HS6ST2: variants seen among roughly 807,000 people sequenced by gnomAD.
The protein encoded by HS6ST2 is heparan-sulfate 6-O-sulfotransferase 2.
In HS6ST2, 17 loss-of-function variants were observed where a neutral mutation model predicts 33.0. The observed-to-expected ratio is 0.52, with a 90% CI of 0.35 to 0.77. The LOEUF is 0.77. Ranked by LOEUF, HS6ST2 falls within the 30% of genes least tolerant of loss-of-function variation. HS6ST2 has a pLI of 0.01. For missense variants in HS6ST2, 519 were observed against 551.7 expected (o/e 0.94, Z 0.59); for synonymous variants, 248 against 237.1 (o/e 1.05, Z -0.42).
intron 4 of HS6ST2, among the ~76,000 whole-genome samples, chrX:132,657,554 AG>A (rs2063739936): frequency 9.1e-6 from 1 of 109,689 alleles, no homozygotes; most frequent in Non-Finnish European, 1.9e-5. Flanking sequence ...TTCCCCCCAA[AG>A]TTACTGAAAA....
intron 2 of HS6ST2, among the ~76,000 whole-genome samples, chrX:132,877,655 A>T (rs1400164739): frequency 3.6e-5 from 4 of 111,264 alleles, no homozygotes; most frequent in Admixed American, 9.6e-5. Context: ...TCCTAGAGCA[A>T]ACATGCAGGT....
At chrX:132,924,445 A>G (rs1463757731) in intron 2 of HS6ST2, among the ~76,000 whole-genome samples, 1 of 111,986 alleles carries the variant, frequency 8.9e-6, no homozygotes, top group East Asian at 2.8e-4. Context: ...AAAAGCATAC[A>G]TACCAATAAT....
chrX:132,900,455 C>T (rs1472049759), intron 2 of HS6ST2, among the ~76,000 whole-genome samples: 2 of 111,052 alleles, frequency 1.8e-5, no homozygotes, highest in African/African-American at 6.5e-5. Flanking sequence ...GTGGCTCATG[C>T]CTATAATCCT....
At chrX:132,757,697 C>T (rs2064769814) in intron 2 of HS6ST2, among the ~76,000 whole-genome samples, 1 of 111,670 alleles carries the variant, frequency 9.0e-6, no homozygotes, top group African/African-American at 3.3e-5. Context: ...ATGATTTAGG[C>T]AGTGCTTTAG....
chrX:132,704,818 G>A (rs890253660), intron 3 of HS6ST2, among the ~76,000 whole-genome samples: 6 of 111,906 alleles, frequency 5.4e-5, no homozygotes, highest in Admixed American at 2.8e-4. Flanking sequence ...TGTTACTTCT[G>A]CTCAGACTAA....
chrX:132,767,505 C>T (rs2064860406), intron 2 of HS6ST2, among the ~76,000 whole-genome samples: 1 of 112,147 alleles, frequency 8.9e-6, no homozygotes, highest in South Asian at 3.7e-4. Context: ...CGAGGATCAT[C>T]AGATACTAAG....
At chrX:132,946,413 A>G (rs1299606248) in intron 2 of HS6ST2, among the ~76,000 whole-genome samples, 2 of 112,343 alleles carry the variant, frequency 1.8e-5, no homozygotes, top group Non-Finnish European at 3.8e-5. Context: ...TTTGGCACAT[A>G]TATGCCATGG....
intron 4 of HS6ST2, among the ~76,000 whole-genome samples, chrX:132,649,550 T>C (rs1168869211): frequency 4.5e-5 from 5 of 112,111 alleles, no homozygotes; most frequent in African/African-American, 6.5e-5. Context: ...CTACATGGGT[T>C]ATCTCATTGA....
chrX:132,660,359 G>A (rs1443820449), intron 4 of HS6ST2, among the ~76,000 whole-genome samples: 1 of 111,201 alleles, frequency 9.0e-6, no homozygotes, highest in Non-Finnish European at 1.9e-5. Flanking sequence ...GTAACCTTCC[G>A]AGGGCAATGC....
At chrX:132,739,045 C>T (rs746762746) in intron 2 of HS6ST2, among the ~76,000 whole-genome samples, 1 of 112,081 alleles carries the variant, frequency 8.9e-6, no homozygotes, top group East Asian at 2.8e-4. Flanking sequence ...TCAGGATCCT[C>T]ATCTGGAAAA....
At chrX:132,858,929 T>C (rs1198252801) in intron 2 of HS6ST2, among the ~76,000 whole-genome samples, 1 of 112,544 alleles carries the variant, frequency 8.9e-6, no homozygotes, top group Non-Finnish European at 1.9e-5. Flanking sequence ...CAGGGCTTAG[T>C]GAGCAAAGCA....
At chrX:132,755,793 T>C (rs912876758) in intron 2 of HS6ST2, among the ~76,000 whole-genome samples, 4 of 111,931 alleles carry the variant, frequency 3.6e-5, no homozygotes, top group Admixed American at 9.5e-5. Context: ...GACACTGCAC[T>C]CCAGCCTGGG....
chrX:132,830,106 G>C (rs1487469119), intron 2 of HS6ST2, among the ~76,000 whole-genome samples: 1 of 111,637 alleles, frequency 9.0e-6, no homozygotes, highest in Non-Finnish European at 1.9e-5. Flanking sequence ...AGAACCCAAA[G>C]GTTTCTGGAT....
intron 4 of HS6ST2, among the ~76,000 whole-genome samples, chrX:132,665,924 GAA>G (rs1042421832): frequency 4.5e-5 from 5 of 111,467 alleles, no homozygotes; most frequent in Non-Finnish European, 9.4e-5. Context: ...TCCAGGCAAT[GAA>G]ATAGAGCAAC....
At chrX:132,780,048 ACG>A (rs2148330702) in intron 2 of HS6ST2, among the ~76,000 whole-genome samples, 1 of 110,760 alleles carries the variant, frequency 9.0e-6, no homozygotes, top group Non-Finnish European at 1.9e-5. Context: ...AGCTGCCCTT[ACG>A]GGGGAGGCAT....
chrX:132,744,769 A>G (rs1259237173), intron 2 of HS6ST2, among the ~76,000 whole-genome samples: 1 of 111,595 alleles, frequency 9.0e-6, no homozygotes, highest in African/African-American at 3.3e-5. Context: ...CAAAAGCCCC[A>G]AAGTCAAAGA....
chrX:132,858,923 G>A (rs1390116481), intron 2 of HS6ST2, among the ~76,000 whole-genome samples: 3 of 112,346 alleles, frequency 2.7e-5, no homozygotes. Context: ...AGAGCACAGG[G>A]CTTAGTGAGC....
intron 1 of HS6ST2, among the ~76,000 whole-genome samples, chrX:132,957,583 TC>T (rs1365894519): frequency 1.2e-5 from 1 of 84,086 alleles, no homozygotes; most frequent in Non-Finnish European, 2.4e-5. Flanking sequence ...GTTCGCCCCC[TC>T]CCCCCGCCAG....
At chrX:132,738,176 G>A (rs564655856) in intron 2 of HS6ST2, among the ~76,000 whole-genome samples, 2 of 112,462 alleles carry the variant, frequency 1.8e-5, no homozygotes, top group Middle Eastern at 4.6e-3. Flanking sequence ...ACCTCTGTGA[G>A]AAGGAAAACT....
Sources: gnomAD v4.1 joint callset for allele counts (sites outside exome capture counted in the v4.1 genomes callset) on GRCh38, gnomAD v4.1.1 for gene constraint, MANE v1.5 for transcripts, NCBI Gene and HGNC (gene_info 2026-07-23, HGNC 2026-07-21) for gene names.